Variants in ALS2 observed in about 807,000 individuals in gnomAD.
ALS2 encodes alsin Rho guanine nucleotide exchange factor ALS2.
ALS2 carries 117 observed loss-of-function variants against 203.4 expected under a neutral mutation model. The observed-to-expected ratio is 0.58, with a 90% CI of 0.50 to 0.67. The LOEUF (loss-of-function observed/expected upper bound fraction) is 0.67. Ranked by LOEUF, ALS2 falls within the 30% of genes least tolerant of loss-of-function variation. ALS2 has a pLI of 0.00. For missense variants in ALS2, 1,715 were observed against 1,989.4 expected, an observed-to-expected ratio of 0.86 and a Z score of 2.62; for synonymous variants, 718 against 725.9, an observed-to-expected ratio of 0.99 and a Z score of 0.17.
chr2:201,774,266 G>C (rs79629431), intron 1 of ALS2, among the ~76,000 whole-genome samples: 1 of 152,156 alleles, frequency 6.6e-6, no homozygotes. Flanking sequence ...CAAAGTGAAG[G>C]AGGATGCCAT....
At chr2:201,740,749 A>C (rs1692216693) in intron 11 of ALS2, among the ~76,000 whole-genome samples, 1 of 152,226 alleles carries the variant, frequency 6.6e-6, no homozygotes, top group Non-Finnish European at 1.5e-5. Flanking sequence ...TAAGATGATA[A>C]ACAGTGGTTA....
intron 23 of ALS2, among the ~76,000 whole-genome samples, chr2:201,718,566 T>C (rs1260513409): frequency 6.6e-6 from 1 of 152,112 alleles, no homozygotes; most frequent in South Asian, 2.1e-4. Context: ...CAGCCCTCAA[T>C]TTTTAAAATC....
In ALS2 at chr2:201,753,354, A is replaced by G. The variant is rs989455824; in HGVS notation, c.1641-112T>C. The G allele has an allele frequency of 3.5e-6, 3 of 861,272 alleles. No homozygotes were observed. In the African/African-American group the frequency reaches 5.0e-5, roughly 14 times the overall value. The allele number at this position is 861,272 out of a possible 1,614,324, so 53.4% of individuals were successfully genotyped here. On this transcript the variant is annotated intron_variant, in intron 6 of 33. Transcript: ENST00000264276. ...AAAAATAAACATTTCTAAAGAAAAC[A>G]TTAAAATAAACATAATGGATATATG...
chr2:201,720,250 A>G, intron 23 of ALS2: 1 of 340,642 alleles, frequency 2.9e-6, no homozygotes, highest in Non-Finnish European at 5.5e-6. Flanking sequence ...ACACCAACAT[A>G]TAAAAAAAAT....
chr2:201,705,810 G>A (rs919854028), intron 29 of ALS2, among the ~76,000 whole-genome samples: 1 of 152,112 alleles, frequency 6.6e-6, no homozygotes, highest in Non-Finnish European at 1.5e-5. Flanking sequence ...TTAGCTGGGT[G>A]CGTTGACACA....
intron 1 of ALS2, among the ~76,000 whole-genome samples, chr2:201,770,271 TCA>T (rs1041790787): frequency 2.0e-5 from 3 of 152,196 alleles, no homozygotes; most frequent in Non-Finnish European, 4.4e-5. Context: ...ACACCTTACT[TCA>T]CACAACTGAC....
chr2:201,737,508 A>G (rs1691954452), intron 12 of ALS2, among the ~76,000 whole-genome samples: 1 of 152,258 alleles, frequency 6.6e-6, no homozygotes. Context: ...AACCCTATAA[A>G]TTATATCTAC....
intron 2 of ALS2, among the ~76,000 whole-genome samples, 192 bp downstream of exon 2, chr2:201,768,674 T>C (rs1694226765): frequency 6.6e-6 from 1 of 152,224 alleles, no homozygotes; most frequent in African/African-American, 2.4e-5. Flanking sequence ...AGACATTTAG[T>C]GCTTCTTACA....
chr2:201,767,106 A>T lies in ALS2; in HGVS notation c.175+123T>A, dbSNP rs535267338. The T allele has an allele frequency of 1.4e-3, 1,262 of 882,490 alleles. 10 individuals are homozygous for T. The African/African-American group carries it at 0.018, about 13-fold the overall frequency. The allele number at this position is 882,490 out of a possible 1,614,324, so 54.7% of individuals were successfully genotyped here. On this transcript the variant is annotated intron_variant, in intron 3 of 33. Transcript: ENST00000264276. ...TTAAAGCATAATAATAATAAAATTT[A>T]AAAAAAAAAGAAAGAAAAAGAAAAA...
intron 12 of ALS2, 121 bp downstream of exon 12, chr2:201,738,549 A>G (rs1692030958): frequency 1.7e-5 from 16 of 947,416 alleles, no homozygotes; most frequent in Non-Finnish European, 2.7e-5. Flanking sequence ...GAAAGTTTAT[A>G]TTTTGACTTG....
At chr2:201,713,122 C>CCTTTTCTTTT (rs201964379) in intron 25 of ALS2, among the ~76,000 whole-genome samples, 59 of 127,380 alleles carry the variant, frequency 4.6e-4, no homozygotes, top group East Asian at 1.4e-3. Flanking sequence ...CATTCTTTCT[C>CCTTTTCTTTT]CTTTTCTTTT....
chr2:201,723,307 C>G lies in ALS2; in HGVS notation c.3624+23G>C, dbSNP rs766047703. ...AGGAGCTTTAAAAAGTTAGTAATAA[C>G]TACATGCAAATATTCCACTCACCAT... On this transcript the variant is annotated intron_variant, in intron 22 of 33. Coordinates refer to ENST00000264276, the MANE Select transcript of ALS2 (RefSeq NM_020919.4). 4 of 1,566,090 alleles carry G rather than the reference C, an allele frequency of 2.6e-6. No individual in the cohort carries two copies. In the East Asian group the frequency reaches 6.7e-5, roughly 26 times the overall value.
chr2:201,712,541 G>A (rs971928650), intron 25 of ALS2, among the ~76,000 whole-genome samples: 4 of 152,098 alleles, frequency 2.6e-5, no homozygotes, highest in South Asian at 2.1e-4. Context: ...GTAGCTACAC[G>A]CACAGATTAA....
intron 13 of ALS2, 86 bp from the exon 14 acceptor site, chr2:201,729,269 T>C: frequency 1.4e-6 from 2 of 1,455,048 alleles, no homozygotes; most frequent in Non-Finnish European, 1.9e-6. Flanking sequence ...GCCTTAGACA[T>C]ATAGTATTAA....
chr2:201,707,130 T>C, intron 28 of ALS2, 108 bp from the exon 29 acceptor site: 1 of 1,012,336 alleles, frequency 9.9e-7, no homozygotes, highest in South Asian at 1.4e-5. Flanking sequence ...AGATGGGAAG[T>C]TTTAAAGAAG....
Position 201,726,801 on chromosome 2 carries a change from G to C in ALS2, c.3045C>G (p.Pro1015=). The C allele has an allele frequency of 5.0e-6, 8 of 1,614,110 alleles. No individual in the cohort carries two copies. Among genetic ancestry groups the C allele is most frequent in the Middle Eastern group, 1.6e-4 (1 of 6,062 alleles). The change falls in exon 18 of 34, where the codon CCC becomes CCG. Residue 1015 remains proline (P), a synonymous_variant. Transcript: ENST00000264276. ...GAACACTGCTACCACTTCCATAAGGGGGGAGATCAGACATCCCTCTCAAAG... is the reference window on the plus strand; with the variant it reads ...GAACACTGCTACCACTTCCATAAGGCGGGAGATCAGACATCCCTCTCAAAG... The part of the protein sequence containing the change: ...DQALRGMSDL[P]PYGSGSSVQR...
At position 201,763,938 on chromosome 2, in the gene ALS2, TGAA is replaced by T. The variant is rs1559086147; in HGVS notation, c.176-2123_176-2121del. Among the ~76,000 whole-genome samples, 3 of 152,328 alleles carry T rather than the reference TGAA, an allele frequency of 2.0e-5. No homozygotes were observed. In the East Asian group the frequency reaches 5.8e-4, roughly 29 times the overall value. The stretch of plus-strand genomic sequence containing the variant: ...GAGATTTATGATTTTTTTTAATTAA[TGAA>T]GAAATAAGCACTGTTTTTTTTCTCA... On this transcript the variant is annotated intron_variant, in intron 3 of 33. Transcript: ENST00000264276.
At chr2:201,743,763 C>T (rs148523462) in intron 10 of ALS2, among the ~76,000 whole-genome samples, 1 of 152,302 alleles carries the variant, frequency 6.6e-6, no homozygotes, top group African/African-American at 2.4e-5. Flanking sequence ...GAGTGAGCCA[C>T]CAAGCCCAGT....
chr2:201,723,370 C>A lies in ALS2; in HGVS notation c.3584G>T (p.Gly1195Val), dbSNP rs746029055. The change falls in exon 22 of 34, where the codon GGA becomes GTA. Residue 1195 changes from glycine (G) to valine (V), a missense_variant. Around this residue, in one of 3 missense-constraint regions of ALS2, gnomAD observed 1,227 missense variants for 1,413.5 expected, o/e 0.87. Coordinates refer to ENST00000264276, the MANE Select transcript of ALS2 (RefSeq NM_020919.4). Reference protein sequence around the residue: ...QGNGVVVTQFGLYYEGNFHLN... With the variant: ...QGNGVVVTQFVLYYEGNFHLN... ...GTGAAAGTTGCCCTCGTAGTATAAT[C>A]CAAACTGGGTAACCACCACACCATT... 7.4e-6 allele frequency: 12 copies of A among 1,613,940 alleles called. No individual in the cohort carries two copies. The highest frequency in any genetic ancestry group is 1.3e-5 in the African/African-American group (1 of 74,920).
Sources: allele counts gnomAD v4.1 joint callset (sites outside exome capture counted in the v4.1 genomes callset), GRCh38; gene constraint gnomAD v4.1.1; regional missense constraint gnomAD v4.1.1; transcripts MANE v1.5; gene names NCBI Gene and HGNC (gene_info 2026-07-23, HGNC 2026-07-21).